Variants in TMEM204 observed in about 807,000 individuals in gnomAD.
TMEM204 encodes the protein transmembrane protein 204.
Under a neutral mutation model 19.4 loss-of-function variants are expected in TMEM204, and 15 were observed. The ratio of observed to expected loss-of-function variants is 0.77; its 90% CI spans 0.52 to 1.19. TMEM204 has a LOEUF of 1.19. Among genes scored for constraint, TMEM204 ranks in the 50% most tolerant of loss-of-function variants. The pLI is 0.00. For missense variants in TMEM204, 287 were observed against 321.2 expected (o/e 0.89, Z 0.81); for synonymous variants, 161 against 146.0 (o/e 1.10, Z -0.74).
chr16:1,541,454 A>T, intron 1 of TMEM204: 1 of 985,356 alleles, frequency 1.0e-6, no homozygotes, highest in Non-Finnish European at 1.2e-6. Context: ...AGCACGCAGG[A>T]CAGCACGCCT....
chr16:1,544,019 C>CT lies in TMEM204; in HGVS notation c.436+1959dup, dbSNP rs768616715. On this transcript the variant is annotated intron_variant, in intron 2 of 2. Transcript: ENST00000566264. ...GATAACCCAATGGATCACTACATTTCTTTTTTTTTTTTTTTTGAGATGGAG... is the reference window on the plus strand; with the variant it reads ...GATAACCCAATGGATCACTACATTTCTTTTTTTTTTTTTTTTTGAGATGGAG... Among the ~76,000 whole-genome samples, 1,159 of 140,018 alleles carry CT rather than the reference C, an allele frequency of 8.3e-3. 11 individuals carry two copies. Among genetic ancestry groups the CT allele is most frequent in the East Asian group, 0.053 (256 of 4,824 alleles). The allele number at this position is 140,018 out of a possible 152,430, so 91.9% of individuals were successfully genotyped here. A position where few individuals can be genotyped will look rare whatever the true frequency, so the allele number is the denominator to read the frequency against.
At position 1,533,976 on chromosome 16, in the gene TMEM204, G is replaced by A. The variant is rs1341322456; in HGVS notation, c.-300G>A. 3 of 446,478 alleles carry A rather than the reference G, an allele frequency of 6.7e-6. No homozygotes were observed. The highest frequency in any genetic ancestry group is 8.8e-5 in the Admixed American group (2 of 22,834). 27.7% of individuals were successfully genotyped at this position (446,478 alleles called of 1,614,324 possible). A position where few individuals can be genotyped will look rare whatever the true frequency, so the allele number is the denominator to read the frequency against. ...CGGCACAGGCCGGCCTCCGCTTCCC[G>A]GGAAGACGGCGCACTCCTGGCCCTG... On this transcript the variant is annotated 5_prime_UTR_variant, in exon 1 of 3. Transcript: ENST00000566264. The surrounding 1 kb of genome is among the most constrained non-coding windows in gnomAD (Gnocchi z 4.7).
chr16:1,542,664 C>A (rs1027854060), intron 2 of TMEM204, among the ~76,000 whole-genome samples: 1 of 152,264 alleles, frequency 6.6e-6, no homozygotes. Flanking sequence ...CACGCTAGCA[C>A]GTTCCACACT....
At chr16:1,550,383 C>G (rs1424283204) in intron 2 of TMEM204, among the ~76,000 whole-genome samples, 1 of 152,170 alleles carries the variant, frequency 6.6e-6, no homozygotes, top group Non-Finnish European at 1.5e-5. Context: ...TTCTAATGCT[C>G]TAAACGACGC....
At position 1,551,090 on chromosome 16, in the gene TMEM204, G is replaced by A. The variant is rs1433102039; in HGVS notation, c.437-3692G>A. On this transcript the variant is annotated intron_variant, in intron 2 of 2. Coordinates refer to ENST00000566264, the MANE Select transcript of TMEM204 (RefSeq NM_024600.6). This position sits in a 1 kb window ranked among gnomAD's most constrained non-coding sequence, Gnocchi z 4.0. Reference sequence around the variant, plus strand: ...GCTGTTCCTCCTCGCCTTTCCCGCAGCTCCACACTGCATTCTGTTCTGTTT... The same window carrying A: ...GCTGTTCCTCCTCGCCTTTCCCGCAACTCCACACTGCATTCTGTTCTGTTT... Among the ~76,000 whole-genome samples, 1 of 152,234 alleles carries A rather than the reference G, an allele frequency of 6.6e-6. No individual in the cohort carries two copies. The highest frequency in any genetic ancestry group is 1.5e-5 in the Non-Finnish European group (1 of 68,044).
At position 1,555,136 on chromosome 16, in the gene TMEM204, T is replaced by A; in HGVS notation, c.*110T>A. The stretch of plus-strand genomic sequence containing the variant: ...CCCCTGCTCGTGCAGAGGCACGGGA[T>A]GAGTCTGGGTGACCTCTGCGCCATG... On this transcript the variant is annotated 3_prime_UTR_variant, in exon 3 of 3. Transcript: ENST00000566264. The A allele has an allele frequency of 7.3e-7, 1 of 1,368,552 alleles. No individual in the cohort carries two copies. The highest frequency in any genetic ancestry group is 9.8e-7 in the Non-Finnish European group (1 of 1,018,262). 84.8% of individuals were successfully genotyped at this position (1,368,552 alleles called of 1,614,324 possible). A position where few individuals can be genotyped will look rare whatever the true frequency, so the allele number is the denominator to read the frequency against.
chr16:1,536,501 G>A (rs1284327976), intron 1 of TMEM204, among the ~76,000 whole-genome samples: 1 of 152,226 alleles, frequency 6.6e-6, no homozygotes, highest in Admixed American at 6.5e-5. Flanking sequence ...CTGACCCTCA[G>A]TGAACCTGAG....
chr16:1,549,815 G>A (rs1462505787), intron 2 of TMEM204, among the ~76,000 whole-genome samples: 3 of 152,230 alleles, frequency 2.0e-5, no homozygotes, highest in South Asian at 2.1e-4. Flanking sequence ...GCTTTGTGAC[G>A]GTCCCTGCCT....
At chr16:1,532,699 G>A (rs1596316764), upstream of TMEM204, 1 of 152,444 alleles carries the variant, frequency 6.6e-6, no homozygotes, top group East Asian at 1.9e-4. Flanking sequence ...ACGAAGCTTT[G>A]GAGCCTGGGT....
Position 1,541,676 on chromosome 16 carries a change from C to T in TMEM204, c.281-245C>T, listed in dbSNP as rs550106345. On this transcript the variant is annotated intron_variant, in intron 1 of 2. Coordinates refer to ENST00000566264, the MANE Select transcript of TMEM204 (RefSeq NM_024600.6). ...AGTAGGGCCCGTCCCTGCAGGGATA[C>T]GACCACTGCAGCCAGGCCCGGCGGC... is the stretch of plus-strand genomic sequence containing the variant. Among the ~76,000 whole-genome samples, 5 of 152,212 alleles carry T rather than the reference C, an allele frequency of 3.3e-5. No homozygotes were observed. The East Asian group carries it at 5.8e-4, about 18-fold the overall frequency.
Position 1,551,606 on chromosome 16 carries a change from C to T in TMEM204, c.437-3176C>T, listed in dbSNP as rs987804179. On this transcript the variant is annotated intron_variant, in intron 2 of 2. Transcript: ENST00000566264. The surrounding 1 kb of genome is among the most constrained non-coding windows in gnomAD (Gnocchi z 4.0). ...CATCAGTATCCCCAGCAAGGTCACC[C>T]GGCACTGCTGCAGACACCTTGAAAC... Among the ~76,000 whole-genome samples the T allele has an allele frequency of 2.0e-5, 3 of 152,152 alleles. No individual in the cohort carries two copies. The highest frequency in any genetic ancestry group is 2.9e-5 in the Non-Finnish European group (2 of 68,018).
intron 1 of TMEM204, among the ~76,000 whole-genome samples, chr16:1,538,606 G>A (rs1003699214): frequency 2.6e-5 from 4 of 152,226 alleles, no homozygotes; most frequent in African/African-American, 2.4e-5. Context: ...GACCTTCTGC[G>A]TGATGTTTTA....
rs949435736 is a variant in TMEM204 at position 1,555,166 on chromosome 16, C to T, written c.*140C>T. 3.7e-5 allele frequency: 38 copies of T among 1,039,028 alleles called. No homozygotes were observed. The highest frequency in any genetic ancestry group is 6.4e-4 in the Middle Eastern group (2 of 3,118). The allele number at this position is 1,039,028 out of a possible 1,614,324, so 64.4% of individuals were successfully genotyped here. A position where few individuals can be genotyped will look rare whatever the true frequency, so the allele number is the denominator to read the frequency against. On this transcript the variant is annotated 3_prime_UTR_variant, in exon 3 of 3. Coordinates refer to ENST00000566264, the MANE Select transcript of TMEM204 (RefSeq NM_024600.6). ...CTGGGTGACCTCTGCGCCATGCGTG[C>T]GAGACACGTGTGCGTTTACTGTTAT...
At chr16:1,552,206 G>A (rs556757436) in intron 2 of TMEM204, among the ~76,000 whole-genome samples, 2 of 152,280 alleles carry the variant, frequency 1.3e-5, no homozygotes, top group South Asian at 2.1e-4. Context: ...TGGCCATGGC[G>A]GGCTGGAGCC....
chr16:1,536,701 G>A (rs1318247358), intron 1 of TMEM204, among the ~76,000 whole-genome samples: 2 of 152,140 alleles, frequency 1.3e-5, no homozygotes, highest in South Asian at 2.1e-4. Flanking sequence ...ACACGGGGAC[G>A]CGCCCAGAGT....
upstream of TMEM204, chr16:1,532,775 G>A (rs2030639364): frequency 6.6e-6 from 1 of 152,206 alleles, no homozygotes; most frequent in Non-Finnish European, 1.5e-5. Context: ...ACCCTCTCGT[G>A]GTGTCTGCCC....
At chr16:1,530,131 ATCT>A (rs2030298034), upstream of TMEM204, among the ~76,000 whole-genome samples, 1 of 126,540 alleles carries the variant, frequency 7.9e-6, no homozygotes, top group Admixed American at 7.5e-5. Flanking sequence ...CACGACGGGA[ATCT>A]TTTTTTTTTT....
rs753472773 is a variant in TMEM204, at chr16:1,534,266, G to A, written c.-10G>A. ...CTTTCTCCGGATAAGCGGCGGCACC[G>A]GCGTCAGCGATGACCGTGCAGAGAC... is the stretch of plus-strand genomic sequence containing the variant. On this transcript the variant is annotated 5_prime_UTR_variant, in exon 1 of 3. Transcript: ENST00000566264. 9.9e-6 allele frequency: 16 copies of A among 1,609,118 alleles called. No homozygotes were observed. The highest frequency in any genetic ancestry group is 1.7e-4 in the Middle Eastern group (1 of 6,044).
Position 1,536,153 on chromosome 16 carries a change from A to G in TMEM204, c.280+1598A>G, listed in dbSNP as rs569590826. Among the ~76,000 whole-genome samples the G allele has an allele frequency of 1.2e-4, 18 of 152,234 alleles. No homozygotes were observed. The East Asian group carries it at 3.5e-3, about 29-fold the overall frequency. ...GCAGCTCTGCACCTCCAGGCCTCCT[A>G]ACTGCTGCCACCAACACCCACAGGT... On this transcript the variant is annotated intron_variant, in intron 1 of 2. Transcript: ENST00000566264.
Sources: allele counts gnomAD v4.1 joint callset (sites outside exome capture counted in the v4.1 genomes callset), GRCh38; gene constraint gnomAD v4.1.1; non-coding constraint Gnocchi (gnomAD v3.1); transcripts MANE v1.5; gene names NCBI Gene and HGNC (gene_info 2026-07-23, HGNC 2026-07-21).